LRMDA: variants seen among roughly 807,000 people sequenced by gnomAD.
LRMDA encodes the protein leucine rich melanocyte differentiation associated, also known as leucine-rich melanocyte differentiation-associated protein.
Under a neutral mutation model 29.8 loss-of-function variants are expected in LRMDA, and 18 were observed. The observed-to-expected ratio is 0.60, with a 90% CI of 0.42 to 0.90. The LOEUF is 0.90. LRMDA is among the 40% of genes least tolerant of loss of function. The probability of loss-of-function intolerance (pLI) is 0.00; values close to 1 mark genes in which losing one functional copy is unlikely to be tolerated. For missense variants in LRMDA, 273 were observed against 273.9 expected (o/e 1.00, Z 0.02); for synonymous variants, 125 against 109.4 (o/e 1.14, Z -0.89).
At chr10:76,222,066 A>G (rs1001139860) in intron 5 of LRMDA, among the ~76,000 whole-genome samples, 6 of 152,086 alleles carry the variant, frequency 3.9e-5, no homozygotes, top group Non-Finnish European at 7.4e-5. Context: ...GGCTAGCCAT[A>G]TGTAGAAAGC....
At chr10:76,399,262 A>C (rs1841822451) in intron 6 of LRMDA, among the ~76,000 whole-genome samples, 1 of 152,198 alleles carries the variant, frequency 6.6e-6, no homozygotes, top group South Asian at 2.1e-4. Flanking sequence ...CTTTGCCTGC[A>C]TCTAGACCTC....
chr10:76,160,608 A>C (rs1850628216), intron 5 of LRMDA, among the ~76,000 whole-genome samples: 1 of 152,130 alleles, frequency 6.6e-6, no homozygotes, highest in Admixed American at 6.6e-5. Context: ...GGCTCATTAT[A>C]CTGTAGTCTC....
intron 4 of LRMDA, 72 bp downstream of exon 4, chr10:76,047,375 T>C (rs1848458406): frequency 7.0e-7 from 1 of 1,428,386 alleles, no homozygotes; most frequent in Admixed American, 2.7e-5. Context: ...TATTATACTC[T>C]GGGGTGCATA....
At chr10:75,995,599 C>T (rs182035808) in intron 2 of LRMDA, among the ~76,000 whole-genome samples, 22 of 152,296 alleles carry the variant, frequency 1.4e-4, no homozygotes, top group African/African-American at 4.8e-4. Context: ...CTAGCTCTTG[C>T]CATACCTGCC....
chr10:76,152,175 A>G (rs1483465910), intron 5 of LRMDA, among the ~76,000 whole-genome samples: 3 of 152,276 alleles, frequency 2.0e-5, no homozygotes, highest in African/African-American at 4.8e-5. Flanking sequence ...CTTACTCCCA[A>G]TCTGCCTCTT....
At chr10:75,843,046 T>G (rs771797427) in intron 2 of LRMDA, among the ~76,000 whole-genome samples, 13 of 151,944 alleles carry the variant, frequency 8.6e-5, no homozygotes, top group South Asian at 2.1e-4. Flanking sequence ...AATAAGTAAA[T>G]GAAGAGGTGG....
chr10:76,338,985 C>T (rs1841003632), intron 6 of LRMDA, among the ~76,000 whole-genome samples: 1 of 152,096 alleles, frequency 6.6e-6, no homozygotes, highest in South Asian at 2.1e-4. Context: ...GCAGAAACTT[C>T]TAGAAATACC....
chr10:76,480,161 C>T (rs774327324), intron 6 of LRMDA, among the ~76,000 whole-genome samples: 23 of 151,892 alleles, frequency 1.5e-4, no homozygotes, highest in Non-Finnish European at 2.5e-4. Context: ...TTCTCAACTG[C>T]TATTAGATGA....
At chr10:75,479,380 G>C (rs2395288) in intron 2 of LRMDA, among the ~76,000 whole-genome samples, 1 of 151,944 alleles carries the variant, frequency 6.6e-6, no homozygotes, top group African/African-American at 2.4e-5. Flanking sequence ...GGTCACAGGC[G>C]CCTGTAGTCC....
At chr10:75,916,937 G>A (rs540770030) in intron 2 of LRMDA, among the ~76,000 whole-genome samples, 12 of 152,196 alleles carry the variant, frequency 7.9e-5, no homozygotes, top group African/African-American at 1.7e-4. Flanking sequence ...AAAACAGAGC[G>A]TTGGCTGTAT....
chr10:75,809,102 C>T (rs1422938680), intron 2 of LRMDA, among the ~76,000 whole-genome samples: 3 of 152,128 alleles, frequency 2.0e-5, no homozygotes, highest in African/African-American at 7.2e-5. Context: ...CTTGTTCCAG[C>T]TCCCCCACCA....
intron 2 of LRMDA, among the ~76,000 whole-genome samples, chr10:75,981,720 T>TG (rs887507189): frequency 1.3e-5 from 2 of 151,708 alleles, no homozygotes; most frequent in Non-Finnish European, 2.9e-5. Flanking sequence ...GGAATGGTGG[T>TG]GGGCATCTGT....
At chr10:76,115,506 C>G (rs1006236538) in intron 5 of LRMDA, among the ~76,000 whole-genome samples, 1 of 152,164 alleles carries the variant, frequency 6.6e-6, no homozygotes, top group Non-Finnish European at 1.5e-5. Context: ...GAACCTGAGA[C>G]CTACCCCTAG....
chr10:76,404,908 G>T (rs1183546542), intron 6 of LRMDA, among the ~76,000 whole-genome samples: 3 of 152,152 alleles, frequency 2.0e-5, no homozygotes, highest in African/African-American at 7.2e-5. Context: ...AACAGAAATA[G>T]AAGTTGGAGT....
chr10:76,240,834 A>G (rs1236420808), intron 5 of LRMDA, among the ~76,000 whole-genome samples: 1 of 14,052 alleles, frequency 7.1e-5, no homozygotes, highest in Non-Finnish European at 1.3e-4. Context: ...ATACACATAC[A>G]TATATATGTG....
At chr10:76,533,137 G>A (rs150098627) in intron 6 of LRMDA, among the ~76,000 whole-genome samples, 46 of 130,164 alleles carry the variant, frequency 3.5e-4, no homozygotes, top group African/African-American at 1.1e-3. Flanking sequence ...TGTAGATGGA[G>A]AGCGAGAGCG....
intron 2 of LRMDA, among the ~76,000 whole-genome samples, chr10:75,795,677 C>T (rs1004208098): frequency 6.6e-6 from 1 of 152,120 alleles, no homozygotes; most frequent in Non-Finnish European, 1.5e-5. Context: ...ATGAGTCCTC[C>T]AAATTTGTAT....
chr10:75,762,170 C>T (rs748774909), intron 2 of LRMDA, among the ~76,000 whole-genome samples: 4 of 152,184 alleles, frequency 2.6e-5, no homozygotes, highest in Non-Finnish European at 5.9e-5. Flanking sequence ...GGCAGTTGTG[C>T]AGGGCACAGT....
intron 2 of LRMDA, among the ~76,000 whole-genome samples, chr10:75,591,989 AG>A (rs888755663): frequency 6.6e-6 from 1 of 151,980 alleles, no homozygotes; most frequent in Non-Finnish European, 1.5e-5. Flanking sequence ...ATGGAGGAGC[AG>A]GGGGCATGTT....
Sources: allele counts gnomAD v4.1 joint callset (sites outside exome capture counted in the v4.1 genomes callset), GRCh38; gene constraint gnomAD v4.1.1; transcripts MANE v1.5; gene names NCBI Gene and HGNC (gene_info 2026-07-23, HGNC 2026-07-21).